The following TMEM117 variants were observed in gnomAD, a reference collection of about 807,000 sequenced individuals.
TMEM117 encodes transmembrane protein 117.
A neutral mutation model predicts 52.4 loss-of-function variants in TMEM117; 27 were observed. The ratio of observed to expected loss-of-function variants is 0.51; its 90% CI spans 0.38 to 0.71. TMEM117 has a LOEUF of 0.71. Among genes scored for constraint, TMEM117 ranks in the 30% least tolerant of loss-of-function variants. TMEM117 has a pLI of 0.00. For missense variants in TMEM117, 556 were observed against 630.5 expected, an observed-to-expected ratio of 0.88 and a Z score of 1.26; for synonymous variants, 215 against 206.3, an observed-to-expected ratio of 1.04 and a Z score of -0.36.
intron 2 of TMEM117, among the ~76,000 whole-genome samples, chr12:43,896,741 C>T (rs114079287): frequency 0.014 from 2,078 of 152,238 alleles, 33 homozygotes; most frequent in African/African-American, 0.048. Flanking sequence ...TCCCTCACTA[C>T]AGTTGACTGG....
At chr12:43,982,955 T>C (rs1945785298) in intron 3 of TMEM117, among the ~76,000 whole-genome samples, 1 of 152,240 alleles carries the variant, frequency 6.6e-6, no homozygotes, top group African/African-American at 2.4e-5. Flanking sequence ...ATCTCATTTT[T>C]AAATTCTTAT....
At chr12:44,279,251 C>G (rs2138589358) in intron 5 of TMEM117, among the ~76,000 whole-genome samples, 1 of 152,320 alleles carries the variant, frequency 6.6e-6, no homozygotes, top group South Asian at 2.1e-4. Context: ...GAATGCCCTT[C>G]TCCATTCATG....
At chr12:43,801,825 T>C in the TMEM117 span, among the ~76,000 whole-genome samples, 2 of 151,974 alleles carry the variant, frequency 1.3e-5, no homozygotes, top group Admixed American at 1.3e-4. Flanking sequence ...AGGCCACGAG[T>C]TTGAGACCAG....
At chr12:43,839,406 C>T (rs992909886) in intron 1 of TMEM117, among the ~76,000 whole-genome samples, 2 of 152,160 alleles carry the variant, frequency 1.3e-5, no homozygotes, top group African/African-American at 4.8e-5. Flanking sequence ...CACCTGCTCC[C>T]CATCCAGTCA....
chr12:44,378,130 C>A (rs1565775257), intron 7 of TMEM117, among the ~76,000 whole-genome samples: 1 of 152,118 alleles, frequency 6.6e-6, no homozygotes, highest in Admixed American at 6.6e-5. Context: ...CGTAGACCAT[C>A]TGTTCTTGCT....
chr12:43,875,033 A>G (rs1217420710), intron 2 of TMEM117, among the ~76,000 whole-genome samples: 1 of 152,212 alleles, frequency 6.6e-6, no homozygotes, highest in Admixed American at 6.5e-5. Flanking sequence ...GTTCATACAA[A>G]CTGTGTTAAT....
At chr12:44,175,430 G>A (rs1008498349) in intron 4 of TMEM117, among the ~76,000 whole-genome samples, 2 of 152,136 alleles carry the variant, frequency 1.3e-5, no homozygotes, top group Non-Finnish European at 2.9e-5. Flanking sequence ...AGTGGGATGG[G>A]AATAATGATG....
chr12:44,391,102 A>G (rs1050541162), downstream of TMEM117, among the ~76,000 whole-genome samples: 27 of 152,182 alleles, frequency 1.8e-4, no homozygotes, highest in South Asian at 6.2e-4. Flanking sequence ...CTTAAGTACT[A>G]TAAACAATTA....
intron 3 of TMEM117, among the ~76,000 whole-genome samples, chr12:43,996,001 G>C (rs1247255058): frequency 1.3e-5 from 2 of 152,096 alleles, no homozygotes; most frequent in Non-Finnish European, 2.9e-5. Context: ...CTAGGGTTAT[G>C]TATGAGCCTG....
downstream of TMEM117, among the ~76,000 whole-genome samples, chr12:44,390,297 A>G (rs944375785): frequency 1.3e-5 from 2 of 151,978 alleles, no homozygotes; most frequent in Non-Finnish European, 2.9e-5. Flanking sequence ...CTTACCATGT[A>G]TGTCTGATAG....
intron 2 of TMEM117, among the ~76,000 whole-genome samples, chr12:43,927,977 T>A (rs1349552957): frequency 6.6e-6 from 1 of 151,962 alleles, no homozygotes; most frequent in Non-Finnish European, 1.5e-5. Flanking sequence ...TCTTTCTTTT[T>A]TCCCTTTTTT....
chr12:43,942,607 TCTC>T (rs1359331097), intron 2 of TMEM117, among the ~76,000 whole-genome samples: 1 of 152,050 alleles, frequency 6.6e-6, no homozygotes, highest in African/African-American at 2.4e-5. Flanking sequence ...TGTAACCAAA[TCTC>T]CTCCCCGCTC....
chr12:44,256,017 T>C (rs571200630), intron 5 of TMEM117, among the ~76,000 whole-genome samples: 5 of 152,062 alleles, frequency 3.3e-5, no homozygotes, highest in East Asian at 3.9e-4. Flanking sequence ...GCAGATTTTA[T>C]ATTAAATTAT....
chr12:44,042,174 A>G (rs1161812634), intron 3 of TMEM117, among the ~76,000 whole-genome samples: 3 of 152,096 alleles, frequency 2.0e-5, no homozygotes, highest in Non-Finnish European at 4.4e-5. Context: ...GTGTTTTAAT[A>G]TTCATATTTC....
chr12:43,999,522 C>T (rs183625092), intron 3 of TMEM117, among the ~76,000 whole-genome samples: 67 of 152,266 alleles, frequency 4.4e-4, no homozygotes, highest in African/African-American at 9.1e-4. Context: ...CTGTGTTGCC[C>T]GGGCTGGAGT....
intron 3 of TMEM117, among the ~76,000 whole-genome samples, chr12:44,123,810 A>G (rs760179899): frequency 4.6e-5 from 7 of 152,106 alleles, no homozygotes; most frequent in African/African-American, 1.7e-4. Context: ...GTAGCCCTGT[A>G]TTATAGTTTG....
intron 5 of TMEM117, among the ~76,000 whole-genome samples, chr12:44,252,643 A>C (rs959547720): frequency 6.6e-6 from 1 of 152,194 alleles, no homozygotes. Context: ...GTTAAGTCTT[A>C]TAGAATAGTT....
chr12:44,280,887 G>T (rs1343715506), intron 5 of TMEM117, among the ~76,000 whole-genome samples: 1 of 150,170 alleles, frequency 6.7e-6, no homozygotes, highest in Non-Finnish European at 1.5e-5. Context: ...TACCAAACAA[G>T]GTTGATGATT....
At chr12:44,294,899 G>A (rs959995191) in intron 5 of TMEM117, among the ~76,000 whole-genome samples, 1 of 152,156 alleles carries the variant, frequency 6.6e-6, no homozygotes, top group Non-Finnish European at 1.5e-5. Context: ...GGAATTTTCC[G>A]TATAGTATTT....
Sources: gnomAD v4.1 joint callset for allele counts (sites outside exome capture counted in the v4.1 genomes callset) on GRCh38, gnomAD v4.1.1 for gene constraint, MANE v1.5 for transcripts, NCBI Gene and HGNC (gene_info 2026-07-23, HGNC 2026-07-21) for gene names.